FOXK2: variants seen among roughly 807,000 people sequenced by gnomAD.
The protein encoded by FOXK2 is forkhead box protein K2.
Under a neutral mutation model 53.3 loss-of-function variants are expected in FOXK2, and 24 were observed. The ratio of observed to expected loss-of-function variants is 0.45; its 90% CI spans 0.33 to 0.63. The LOEUF (loss-of-function observed/expected upper bound fraction) is 0.63. Among genes scored for constraint, FOXK2 ranks in the 30% least tolerant of loss-of-function variants. The pLI is 0.03. For missense variants in FOXK2, 952 were observed against 910.5 expected (o/e 1.05, Z -0.59); for synonymous variants, 505 against 407.1 (o/e 1.24, Z -2.89).
intron 4 of FOXK2, among the ~76,000 whole-genome samples, chr17:82,580,886 A>G (rs1185060185): frequency 6.9e-6 from 1 of 145,726 alleles, no homozygotes; most frequent in Non-Finnish European, 1.5e-5. Context: ...AGCTCCATCC[A>G]CAGGGCCCAG....
chr17:82,562,375 GT>G (rs1223138264), intron 1 of FOXK2, among the ~76,000 whole-genome samples: 4 of 152,208 alleles, frequency 2.6e-5, no homozygotes, highest in African/African-American at 9.6e-5. Flanking sequence ...GAGGTCGCGA[GT>G]TCGAGACCAG....
At chr17:82,573,556 TCTCTCTCACACACACACA>T (rs1343338412) in intron 4 of FOXK2, among the ~76,000 whole-genome samples, 10 of 116,454 alleles carry the variant, frequency 8.6e-5, no homozygotes, top group African/African-American at 1.8e-4. Flanking sequence ...TCTCTCTCTC[TCTCTCTCACACACACACA>T]CACACACACA....
At chr17:82,571,460 G>A (rs1232650888) in intron 3 of FOXK2, among the ~76,000 whole-genome samples, 2 of 152,050 alleles carry the variant, frequency 1.3e-5, no homozygotes, top group Admixed American at 6.6e-5. Flanking sequence ...AATTAGCCGG[G>A]CGCGGTGGCA....
Position 82,595,765 on chromosome 17 carries a change from C to T in FOXK2, c.1787-5538C>T, listed in dbSNP as rs767426897. On this transcript the variant is annotated intron_variant, in intron 8 of 8. Coordinates refer to ENST00000335255, the MANE Select transcript of FOXK2 (RefSeq NM_004514.4). ...TGGCTCCTGTGACTTGGGGTCCTTT[C>T]CCACTCCTCTCCCCAGGGCCCCTTG... The T allele has an allele frequency of 4.7e-6, 6 of 1,288,974 alleles. No homozygotes were observed. The East Asian group carries it at 2.8e-4, about 60-fold the overall frequency. 79.8% of individuals were successfully genotyped at this position (1,288,974 alleles called of 1,614,324 possible).
intron 1 of FOXK2, among the ~76,000 whole-genome samples, chr17:82,545,771 G>A (rs1003884777): frequency 2.0e-5 from 3 of 152,108 alleles, no homozygotes; most frequent in Admixed American, 6.6e-5. Flanking sequence ...TAGTAGAGAC[G>A]GGGTTTCACC....
Position 82,571,854 on chromosome 17 carries a change from C to G in FOXK2, c.893C>G (p.Ala298Gly). The change falls in exon 4 of 9, where the codon GCG becomes GGG. Residue 298 changes from alanine to glycine, a missense_variant. Physicochemically the swap from Ala to Gly is moderately conservative, Grantham distance 60. Transcript: ENST00000335255. ...AAAAATTATCCCTACTACAGGACTG[C>G]GGACAAGGGCTGGCAGGTAAATGCC... ...ITKNYPYYRT[A>G]DKGWQNSIRH... 1 of 1,570,350 alleles carries G rather than the reference C, an allele frequency of 6.4e-7. No homozygotes were observed. The highest frequency in any genetic ancestry group is 8.6e-7 in the Non-Finnish European group (1 of 1,162,692).
intron 8 of FOXK2, chr17:82,601,092 C>G (rs913255562): frequency 2.1e-5 from 11 of 525,388 alleles, no homozygotes; most frequent in Non-Finnish European, 3.7e-5. Flanking sequence ...AGGGCCCAGC[C>G]CAGGCTCCTG....
intron 3 of FOXK2, among the ~76,000 whole-genome samples, chr17:82,570,757 C>T (rs1229609967): frequency 6.6e-6 from 1 of 152,178 alleles, no homozygotes. Flanking sequence ...AGCGTGTTGC[C>T]CAGAAGTTCA....
intron 1 of FOXK2, among the ~76,000 whole-genome samples, chr17:82,553,155 C>T (rs1350965371): frequency 6.6e-6 from 1 of 152,204 alleles, no homozygotes; most frequent in African/African-American, 2.4e-5. Flanking sequence ...AGGCTGATCT[C>T]GAACTCCTGA....
chr17:82,579,068 C>T (rs968235620), intron 4 of FOXK2, among the ~76,000 whole-genome samples: 17 of 150,428 alleles, frequency 1.1e-4, no homozygotes, highest in African/African-American at 3.9e-4. Flanking sequence ...TTCTGAGTCC[C>T]CGCTTAGGAG....
At chr17:82,527,645 A>T (rs1223838253) in intron 1 of FOXK2, among the ~76,000 whole-genome samples, 1 of 152,122 alleles carries the variant, frequency 6.6e-6, no homozygotes, top group Non-Finnish European at 1.5e-5. Flanking sequence ...GAAGATATTC[A>T]TTTGGCAAAT....
rs1459858512 is a variant in FOXK2, at chr17:82,604,485, T to C, written c.*2986T>C. On this transcript the variant is annotated 3_prime_UTR_variant, in exon 9 of 9. Transcript: ENST00000335255. The stretch of plus-strand genomic sequence containing the variant: ...TGACACAAGGAGATAAGTGACAATC[T>C]TGAAGTCCTAACTTCCACTATTCTA... 1.3e-5 allele frequency: 2 copies of C among 152,630 alleles called. No homozygotes were observed. The highest frequency in any genetic ancestry group is 2.9e-5 in the Non-Finnish European group (2 of 68,026). 9.5% of individuals were successfully genotyped at this position (152,630 alleles called of 1,614,324 possible).
Position 82,587,059 on chromosome 17 carries a change from T to G in FOXK2, c.1577-4T>G. Reference sequence around the variant, plus strand: ...TAATGTCGTTTCTTTTCCTTTAATTTCAGTGAAAGTAGAGCCTATTCCCGC... The same window carrying G: ...TAATGTCGTTTCTTTTCCTTTAATTGCAGTGAAAGTAGAGCCTATTCCCGC... On this transcript the variant is annotated splice_polypyrimidine_tract_variant and splice_region_variant and intron_variant, in intron 7 of 8. Transcript: ENST00000335255. 1 of 1,612,036 alleles carries G rather than the reference T, an allele frequency of 6.2e-7. No individual in the cohort carries two copies. Among genetic ancestry groups the G allele is most frequent in the Non-Finnish European group, 8.5e-7 (1 of 1,179,634 alleles).
At chr17:82,595,069 C>G (rs1354648228) in intron 8 of FOXK2, among the ~76,000 whole-genome samples, 1 of 152,190 alleles carries the variant, frequency 6.6e-6, no homozygotes, top group African/African-American at 2.4e-5. Flanking sequence ...AATAGAAACG[C>G]AAGCCGGCAT....
chr17:82,519,913 T>A lies in FOXK2; in HGVS notation c.25T>A (p.Ser9Thr). Residue 9 changes from serine to threonine, a missense_variant, in exon 1 of 9, where the codon TCG (serine) becomes ACG (threonine). This residue lies in a region of FOXK2 where 163 missense variants were observed against 165.5 expected (regional missense o/e 0.98). Coordinates refer to ENST00000335255, the MANE Select transcript of FOXK2 (RefSeq NM_004514.4). MAAAAAAL[S>T]GAGTPPAGGG... ...CATGGCGGCGGCCGCGGCGGCGCTC[T>A]CGGGCGCGGGCACGCCACCCGCGGG... 28 of 976,014 alleles carry A rather than the reference T, an allele frequency of 2.9e-5. No homozygotes were observed. The highest frequency in any genetic ancestry group is 3.4e-5 in the Non-Finnish European group (28 of 826,386). 60.5% of individuals were successfully genotyped at this position (976,014 alleles called of 1,614,324 possible).
intron 1 of FOXK2, among the ~76,000 whole-genome samples, chr17:82,543,538 C>G (rs1364112915): frequency 6.6e-6 from 1 of 152,214 alleles, no homozygotes; most frequent in East Asian, 1.9e-4. Context: ...GGCAGCTTCT[C>G]TTTGCTTGTT....
At chr17:82,557,493 G>A (rs766976998) in intron 1 of FOXK2, among the ~76,000 whole-genome samples, 3 of 151,780 alleles carry the variant, frequency 2.0e-5, no homozygotes, top group Non-Finnish European at 4.4e-5. Flanking sequence ...ACATGCGCGT[G>A]CCACCATGCC....
chr17:82,555,033 G>A (rs1294731108), intron 1 of FOXK2, among the ~76,000 whole-genome samples: 2 of 152,216 alleles, frequency 1.3e-5, no homozygotes, highest in Non-Finnish European at 1.5e-5. Context: ...ACAGGCGTGA[G>A]CCACTGCTCC....
Position 82,542,532 on chromosome 17 carries a change from T to G in FOXK2, c.420-20822T>G, listed in dbSNP as rs1192497373. 4.9e-4 allele frequency among the ~76,000 whole-genome samples: 75 copies of G among 152,140 alleles called. 1 individual carries two copies. The highest frequency in any genetic ancestry group is 1.8e-3 in the African/African-American group (74 of 41,492). Reference sequence around the variant, plus strand: ...ACTGTCCTGCTCAGGTTGGTGTAGTTAGTACTCCTGGGCTCAAGCAATCTT... The same window carrying G: ...ACTGTCCTGCTCAGGTTGGTGTAGTGAGTACTCCTGGGCTCAAGCAATCTT... On this transcript the variant is annotated intron_variant, in intron 1 of 8. Transcript: ENST00000335255.
Sources: allele counts gnomAD v4.1 joint callset (sites outside exome capture counted in the v4.1 genomes callset), GRCh38; gene constraint gnomAD v4.1.1; regional missense constraint gnomAD v4.1.1; transcripts MANE v1.5; gene names NCBI Gene and HGNC (gene_info 2026-07-23, HGNC 2026-07-21).